The following MYO1H variants were observed in gnomAD, a reference collection of about 807,000 sequenced individuals.
MYO1H encodes unconventional myosin-Ih.
A neutral mutation model predicts 149.3 loss-of-function variants in MYO1H; 118 were observed. That is an observed-to-expected ratio of 0.79 (90% CI 0.68 to 0.92). The LOEUF (loss-of-function observed/expected upper bound fraction) is 0.92. Ranked by LOEUF, MYO1H falls within the 40% of genes least tolerant of loss-of-function variation. The pLI is 0.00. For synonymous variants in MYO1H, 447 were observed against 465.2 expected (o/e 0.96, Z 0.50); for missense variants, 1,212 against 1,280.7 (o/e 0.95, Z 0.82).
At chr12:109,326,491 T>A in the MYO1H span, among the ~76,000 whole-genome samples, 1 of 77,314 alleles carries the variant, frequency 1.3e-5, no homozygotes, top group South Asian at 4.1e-4. Flanking sequence ...TTTTTATATT[T>A]TATTTTATTT....
upstream of MYO1H, among the ~76,000 whole-genome samples, chr12:109,347,207 C>CAT (rs995370613): frequency 7.2e-5 from 11 of 152,114 alleles, no homozygotes; most frequent in African/African-American, 2.7e-4. Flanking sequence ...GGGCCCAAGG[C>CAT]ATACAATGTG....
In MYO1H at chr12:109,411,896, T is replaced by G. The variant is rs751844411; in HGVS notation, c.1413T>G (p.Asp471Glu). 11 of 1,600,104 alleles carry G rather than the reference T, an allele frequency of 6.9e-6. No homozygotes were observed. In the Admixed American group the frequency reaches 1.9e-4, roughly 28 times the overall value. Residue 471 changes from aspartate to glutamate, a missense_variant and splice_region_variant, in exon 14 of 32, where the codon GAT becomes GAG. Transcript: ENST00000310903. ...AGGCTTCTCTTTTTCTTTTGAAGGA[T>G]GAAGAATGCATTCGGCCTGGTCCTG...
chr12:109,390,959 C>T (rs1333259037), intron 2 of MYO1H, among the ~76,000 whole-genome samples: 1 of 152,232 alleles, frequency 6.6e-6, no homozygotes, highest in Non-Finnish European at 1.5e-5. Flanking sequence ...CCGGCCCACC[C>T]ATCCTACTTT....
chr12:109,378,664 T>C (rs1869137528), intron 1 of MYO1H, among the ~76,000 whole-genome samples: 1 of 152,176 alleles, frequency 6.6e-6, no homozygotes, highest in African/African-American at 2.4e-5. Context: ...GGTTCTAAAT[T>C]GTTTACTTCC....
chr12:109,434,037 C>CA (rs1382287611), intron 20 of MYO1H, among the ~76,000 whole-genome samples: 5 of 152,060 alleles, frequency 3.3e-5, no homozygotes, highest in South Asian at 2.1e-4. Context: ...TTTTTTGAGA[C>CA]AGAGTCTTGC....
At chr12:109,379,372 G>T (rs1178318126) in intron 1 of MYO1H, among the ~76,000 whole-genome samples, 1 of 152,204 alleles carries the variant, frequency 6.6e-6, no homozygotes, top group Non-Finnish European at 1.5e-5. Flanking sequence ...TGCTCCAGTT[G>T]TTGGGTGCAA....
intron 7 of MYO1H, 47 bp downstream of exon 7, chr12:109,404,127 AAACATTCCTAAT>A: frequency 1.4e-6 from 2 of 1,386,860 alleles, no homozygotes; most frequent in Middle Eastern, 1.8e-4. Flanking sequence ...GGGACTGAGG[AAACATTCCTAAT>A]TTCTTGGTGT....
intron 16 of MYO1H, among the ~76,000 whole-genome samples, chr12:109,422,879 G>A (rs1871233190): frequency 6.6e-6 from 1 of 151,928 alleles, no homozygotes; most frequent in African/African-American, 2.4e-5. Context: ...CTTGAACCCA[G>A]CCTGGACAAC....
At chr12:109,430,099 C>G (rs1172637742) in intron 19 of MYO1H, among the ~76,000 whole-genome samples, 1 of 152,204 alleles carries the variant, frequency 6.6e-6, no homozygotes, top group Non-Finnish European at 1.5e-5. Context: ...TAGATTTCAT[C>G]ATATGAATTT....
intron 1 of MYO1H, among the ~76,000 whole-genome samples, chr12:109,351,679 TAAG>T (rs1402776089): frequency 1.3e-5 from 2 of 152,178 alleles, no homozygotes; most frequent in African/African-American, 4.8e-5. Flanking sequence ...ACTTGAAAAA[TAAG>T]AAGAAAGCCC....
chr12:109,441,054 C>A (rs1872104859), intron 25 of MYO1H, among the ~76,000 whole-genome samples: 1 of 152,262 alleles, frequency 6.6e-6, no homozygotes, highest in Non-Finnish European at 1.5e-5. Context: ...AACACAATCA[C>A]AACGGCTCCT....
chr12:109,418,643 G>A (rs570699711), intron 15 of MYO1H, among the ~76,000 whole-genome samples: 2 of 152,206 alleles, frequency 1.3e-5, no homozygotes, highest in Admixed American at 6.6e-5. Context: ...CTGCCTCCTG[G>A]GTTTGCACCA....
chr12:109,403,926 A>G, intron 6 of MYO1H, 56 bp from the exon 7 acceptor site: 1 of 1,186,670 alleles, frequency 8.4e-7, no homozygotes, highest in Admixed American at 1.8e-5. Flanking sequence ...AGGAATAGAC[A>G]TGCTTAATTG....
At chr12:109,377,400 C>T (rs1317180037) in intron 1 of MYO1H, among the ~76,000 whole-genome samples, 1 of 152,138 alleles carries the variant, frequency 6.6e-6, no homozygotes, top group African/African-American at 2.4e-5. Context: ...ACCTGATGGG[C>T]TCTTTTTAAA....
chr12:109,346,259 GA>G (rs2048102226), upstream of MYO1H, among the ~76,000 whole-genome samples: 1 of 152,090 alleles, frequency 6.6e-6, no homozygotes, highest in Non-Finnish European at 1.5e-5. Context: ...AAGTGTACAG[GA>G]GGATGTGCAT....
chr12:109,427,706 C>T, intron 19 of MYO1H, 120 bp downstream of exon 19: 1 of 696,750 alleles, frequency 1.4e-6, no homozygotes, highest in South Asian at 1.5e-5. Flanking sequence ...TTGTTAACTG[C>T]TGTAGTTATG....
intron 14 of MYO1H, among the ~76,000 whole-genome samples, chr12:109,413,858 C>T (rs1004051271): frequency 1.5e-4 from 23 of 151,850 alleles, no homozygotes; most frequent in Admixed American, 2.0e-4. Context: ...TGCAGTGAGC[C>T]GAGATTGCGC....
Position 109,436,559 on chromosome 12 carries a change from A to G in MYO1H, c.2209+3A>G. On this transcript the variant is annotated splice_donor_region_variant and intron_variant, in intron 22 of 31. Transcript: ENST00000310903. ...ATACGTGAAAAAAAGACAAGCAGGT[A>G]AGAATTAAATAGAAACAAATAAGTT... The G allele has an allele frequency of 6.2e-7, 1 of 1,600,058 alleles. No individual in the cohort carries two copies. Among genetic ancestry groups the G allele is most frequent in the Non-Finnish European group, 8.5e-7 (1 of 1,172,088 alleles).
intron 27 of MYO1H, among the ~76,000 whole-genome samples, chr12:109,443,046 G>GTATATATGTGTACGTATGTGTC (rs1872241860): frequency 1.5e-5 from 1 of 66,970 alleles, no homozygotes; most frequent in Non-Finnish European, 2.9e-5. Flanking sequence ...GTGTGTGTGT[G>GTATATATGTGTACGTATGTGTC]TATATATGTG....
Sources: gnomAD v4.1 joint callset for allele counts (sites outside exome capture counted in the v4.1 genomes callset) on GRCh38, gnomAD v4.1.1 for gene constraint, MANE v1.5 for transcripts, NCBI Gene and HGNC (gene_info 2026-07-23, HGNC 2026-07-21) for gene names.